The following FMN1 variants were observed in gnomAD, a reference collection of about 807,000 sequenced individuals.
The protein encoded by FMN1 is formin-1.
Under a neutral mutation model 132.4 loss-of-function variants are expected in FMN1, and 110 were observed. That is an observed-to-expected ratio of 0.83 (90% CI 0.71 to 0.97). The LOEUF (loss-of-function observed/expected upper bound fraction) is 0.97, where lower values mean the gene tolerates loss of function less well. Ranked by LOEUF, FMN1 falls within the 50% of genes least tolerant of loss-of-function variation. FMN1 has a pLI of 0.00. For missense variants in FMN1, 1,792 were observed against 1,705.3 expected, an observed-to-expected ratio of 1.05 and a Z score of -0.90; for synonymous variants, 722 against 651.7, an observed-to-expected ratio of 1.11 and a Z score of -1.64.
At chr15:32,899,774 A>C in intron 14 of FMN1, 1 of 589,052 alleles carries the variant, frequency 1.7e-6, no homozygotes, top group Non-Finnish European at 2.9e-6. Context: ...ATTGAAAATA[A>C]AGTCTAACGT....
chr15:32,962,930 T>G (rs2030748690), intron 9 of FMN1, among the ~76,000 whole-genome samples: 1 of 145,062 alleles, frequency 6.9e-6, no homozygotes, highest in African/African-American at 2.6e-5. Context: ...TGGAAGTCAG[T>G]GTGGCGATTC....
rs986033352 is a variant in FMN1, at chr15:32,823,286, C to T, written c.3929-18954G>A. 9.3e-5 allele frequency among the ~76,000 whole-genome samples: 14 copies of T among 151,294 alleles called. No individual in the cohort carries two copies. The East Asian group carries it at 9.7e-4, about 10-fold the overall frequency. On this transcript the variant is annotated intron_variant, in intron 17 of 20. Coordinates refer to ENST00000616417, the MANE Select transcript of FMN1 (RefSeq NM_001277313.2). ...ACACCATTCTCCTGCTTCAGCCTCC[C>T]GAGTAGCTGGGACTACAGGCACCCA...
intron 9 of FMN1, among the ~76,000 whole-genome samples, chr15:32,952,196 A>T (rs999898860): frequency 3.9e-5 from 6 of 152,244 alleles, no homozygotes; most frequent in Non-Finnish European, 7.3e-5. Flanking sequence ...CAACAAAAAC[A>T]TCATCATGGC....
intron 7 of FMN1, among the ~76,000 whole-genome samples, chr15:33,004,568 G>C (rs935116001): frequency 3.3e-5 from 5 of 152,168 alleles, no homozygotes; most frequent in South Asian, 2.1e-4. Flanking sequence ...GAAGAAATAG[G>C]AACACTTTTA....
At chr15:32,881,474 A>C (rs1428763949) in intron 16 of FMN1, among the ~76,000 whole-genome samples, 1 of 152,200 alleles carries the variant, frequency 6.6e-6, no homozygotes. Context: ...AAATTTTCAA[A>C]AGGAACTGAA....
At chr15:33,101,585 C>A (rs2039296295) in intron 4 of FMN1, among the ~76,000 whole-genome samples, 1 of 152,092 alleles carries the variant, frequency 6.6e-6, no homozygotes, top group South Asian at 2.1e-4. Flanking sequence ...TAATCCCTGC[C>A]CCCTAACTCA....
chr15:32,888,845 AC>A (rs1246617933), intron 15 of FMN1, among the ~76,000 whole-genome samples: 1 of 146,258 alleles, frequency 6.8e-6, no homozygotes, highest in Non-Finnish European at 1.5e-5. Flanking sequence ...GTGTATCTAC[AC>A]ATATACACAG....
At chr15:33,110,641 T>A (rs1451373885) in intron 4 of FMN1, among the ~76,000 whole-genome samples, 1 of 151,962 alleles carries the variant, frequency 6.6e-6, no homozygotes, top group East Asian at 1.9e-4. Context: ...TTGACGCTTC[T>A]TTTTCTTTTT....
intron 4 of FMN1, among the ~76,000 whole-genome samples, chr15:33,128,731 A>G (rs1034958410): frequency 6.6e-6 from 1 of 152,226 alleles, no homozygotes; most frequent in Non-Finnish European, 1.5e-5. Flanking sequence ...GACAGCTCTT[A>G]AAGGTGATGT....
At chr15:32,829,547 G>C (rs116149793) in intron 17 of FMN1, among the ~76,000 whole-genome samples, 1 of 152,190 alleles carries the variant, frequency 6.6e-6, no homozygotes, top group African/African-American at 2.4e-5. Context: ...TCAAGAGCCC[G>C]TGCCTTCCTT....
At chr15:32,850,063 C>T (rs140910108) in intron 17 of FMN1, among the ~76,000 whole-genome samples, 77 of 152,308 alleles carry the variant, frequency 5.1e-4, no homozygotes, top group African/African-American at 1.4e-3. Context: ...TTTGGAACCA[C>T]GCCTGTCGGT....
At chr15:32,859,435 T>A (rs1474328786) in intron 16 of FMN1, among the ~76,000 whole-genome samples, 1 of 152,206 alleles carries the variant, frequency 6.6e-6, no homozygotes, top group Non-Finnish European at 1.5e-5. Context: ...CATTCCCAGT[T>A]CCATGTCTTC....
chr15:32,925,036 T>C (rs561324443), intron 10 of FMN1, among the ~76,000 whole-genome samples: 18 of 152,332 alleles, frequency 1.2e-4, no homozygotes, highest in African/African-American at 4.3e-4. Flanking sequence ...TGTGTTCTGG[T>C]CTACTTTTCT....
chr15:33,075,592 A>C (rs1304726954), intron 5 of FMN1, among the ~76,000 whole-genome samples: 2 of 152,208 alleles, frequency 1.3e-5, no homozygotes, highest in African/African-American at 4.8e-5. Context: ...GCCACTGCAT[A>C]AGGTGACAAA....
intron 4 of FMN1, among the ~76,000 whole-genome samples, chr15:33,124,386 A>G (rs1406828140): frequency 6.6e-6 from 1 of 152,168 alleles, no homozygotes; most frequent in Non-Finnish European, 1.5e-5. Flanking sequence ...GACCCTCTGT[A>G]CATTTCACCC....
intron 9 of FMN1, among the ~76,000 whole-genome samples, chr15:32,941,534 T>C (rs1158512190): frequency 1.3e-5 from 2 of 152,376 alleles, no homozygotes; most frequent in East Asian, 1.9e-4. Context: ...CTTCAGCTAA[T>C]TGTAAATACA....
chr15:32,888,292 C>T lies in FMN1; in HGVS notation c.3715G>A (p.Glu1239Lys). Residue 1239 changes from glutamate (E) to lysine (K), a missense_variant and splice_region_variant, in exon 16 of 21, where the codon GAA (glutamate) becomes AAA (lysine). Glu to Lys is a moderately conservative substitution (Grantham distance 56). Around this residue, in one of 3 missense-constraint regions of FMN1, gnomAD observed 1,150 missense variants for 1,043.1 expected, o/e 1.10. Coordinates refer to ENST00000616417, the MANE Select transcript of FMN1 (RefSeq NM_001277313.2). ...AAAACACTCTTTTCTGTTCCAGCTTCCTAAGAGATATGGTAAACAAAAGTA... is the reference window on the plus strand; with the variant it reads ...AAAACACTCTTTTCTGTTCCAGCTTTCTAAGAGATATGGTAAACAAAAGTA... The part of the protein sequence containing the change: ...VKYYLRYYDQ[E>K]AGTEKSVFPL... The T allele has an allele frequency of 6.2e-7, 1 of 1,607,654 alleles. No homozygotes were observed. The highest frequency in any genetic ancestry group is 8.5e-7 in the Non-Finnish European group (1 of 1,177,724).
intron 10 of FMN1, among the ~76,000 whole-genome samples, chr15:32,921,212 A>C (rs974024554): frequency 1.3e-5 from 2 of 152,226 alleles, no homozygotes; most frequent in African/African-American, 4.8e-5. Context: ...TGAAACCTAA[A>C]GAAAAACACC....
chr15:33,109,855 C>T (rs1268191690), intron 4 of FMN1, among the ~76,000 whole-genome samples: 1 of 145,830 alleles, frequency 6.9e-6, no homozygotes, highest in Non-Finnish European at 1.5e-5. Context: ...AAAAAAAATG[C>T]AAGCTCAAAG....
Sources: allele counts gnomAD v4.1 joint callset (sites outside exome capture counted in the v4.1 genomes callset), GRCh38; gene constraint gnomAD v4.1.1; regional missense constraint gnomAD v4.1.1; transcripts MANE v1.5; gene names NCBI Gene and HGNC (gene_info 2026-07-23, HGNC 2026-07-21).